The following KCTD19 variants were observed in gnomAD, a reference collection of about 807,000 sequenced individuals.
KCTD19 encodes the protein potassium channel tetramerization domain containing 19, also known as BTB/POZ domain-containing protein KCTD19.
Under a neutral mutation model 103.5 loss-of-function variants are expected in KCTD19, and 67 were observed. That is an observed-to-expected ratio of 0.65 (90% CI 0.53 to 0.79). KCTD19 has a LOEUF of 0.79. Ranked by LOEUF, KCTD19 falls within the 30% of genes least tolerant of loss-of-function variation. KCTD19 has a pLI of 0.00. For synonymous variants in KCTD19, 439 were observed against 452.2 expected, an observed-to-expected ratio of 0.97 and a Z score of 0.37; for missense variants, 980 against 1,136.1, an observed-to-expected ratio of 0.86 and a Z score of 1.98.
Position 67,323,627 on chromosome 16 carries a change from T to C in KCTD19, c.4-2742A>G, listed in dbSNP as rs553320774. Among the ~76,000 whole-genome samples the C allele has an allele frequency of 1.3e-5, 2 of 152,274 alleles. No individual in the cohort carries two copies. Among genetic ancestry groups the C allele is most frequent in the South Asian group, 4.1e-4 (2 of 4,828 alleles). On this transcript the variant is annotated intron_variant, in intron 1 of 15. Transcript: ENST00000304372. This position sits in a 1 kb window ranked among gnomAD's most constrained non-coding sequence, Gnocchi z 4.1. ...GAAAGAAGCCAAACAAAAAATCACA[T>C]ATGATTCCATCCACATGCAATGTGT...
chr16:67,292,822 G>GT (rs2036715309), intron 12 of KCTD19, among the ~76,000 whole-genome samples: 1 of 152,080 alleles, frequency 6.6e-6, no homozygotes, highest in South Asian at 2.1e-4. Flanking sequence ...TTCACACTCA[G>GT]TATGTGCCCT....
At chr16:67,317,236 T>A (rs2037022464) in intron 2 of KCTD19, among the ~76,000 whole-genome samples, 1 of 152,038 alleles carries the variant, frequency 6.6e-6, no homozygotes, top group South Asian at 2.1e-4. Context: ...ATCCCAGCAA[T>A]TTGGGAGGCT....
At chr16:67,291,976 C>T (rs894210691) in intron 12 of KCTD19, 139 bp from the exon 13 acceptor site, 49 of 508,898 alleles carry the variant, frequency 9.6e-5, no homozygotes, top group African/African-American at 8.5e-4. Flanking sequence ...CAGGTTCCAG[C>T]GATTCTCCTG....
At chr16:67,324,046 G>C (rs925685407) in intron 1 of KCTD19, among the ~76,000 whole-genome samples, 1 of 151,964 alleles carries the variant, frequency 6.6e-6, no homozygotes. Context: ...ACCTTCCTCA[G>C]CTCATTGTTA....
intron 1 of KCTD19, among the ~76,000 whole-genome samples, chr16:67,321,507 A>C (rs918509846): frequency 2.0e-5 from 3 of 152,246 alleles, no homozygotes; most frequent in African/African-American, 7.2e-5. Context: ...TTGATTTACA[A>C]ATTCAACACA....
chr16:67,304,886 T>C (rs2036875962), intron 2 of KCTD19, among the ~76,000 whole-genome samples: 2 of 152,146 alleles, frequency 1.3e-5, no homozygotes, highest in Admixed American at 6.5e-5. Context: ...CAGGCTGGTC[T>C]TGAACTCCTG....
At chr16:67,298,785 G>T (rs1366890241) in intron 6 of KCTD19, among the ~76,000 whole-genome samples, 1 of 152,236 alleles carries the variant, frequency 6.6e-6, no homozygotes, top group Non-Finnish European at 1.5e-5. Context: ...TCAGAGAGTT[G>T]CTCTGCTGTT....
intron 2 of KCTD19, among the ~76,000 whole-genome samples, chr16:67,308,687 C>T (rs538392855): frequency 0.22 from 32,697 of 151,858 alleles, 7,035 homozygotes; most frequent in African/African-American, 0.56. Context: ...TTTGTTCCCA[C>T]AGACACTCAA....
At chr16:67,311,420 A>C (rs758075339) in intron 2 of KCTD19, among the ~76,000 whole-genome samples, 1 of 151,984 alleles carries the variant, frequency 6.6e-6, no homozygotes, top group Non-Finnish European at 1.5e-5. Context: ...CTCCTGCCTC[A>C]GCCTCCTAAA....
chr16:67,322,885 A>G (rs190176446), intron 1 of KCTD19, among the ~76,000 whole-genome samples: 6 of 152,362 alleles, frequency 3.9e-5, no homozygotes, highest in African/African-American at 1.4e-4. Context: ...CAAATTTAAA[A>G]ATTGGCAAAG....
At chr16:67,325,725 G>A (rs1045362370) in intron 1 of KCTD19, among the ~76,000 whole-genome samples, 1 of 152,084 alleles carries the variant, frequency 6.6e-6, no homozygotes, top group African/African-American at 2.4e-5. Context: ...GCAGCCTGGC[G>A]ACAGCCCTCA....
At chr16:67,291,127 C>G (rs113227769) in intron 14 of KCTD19, 141 bp from the exon 15 acceptor site, 5 of 1,180,036 alleles carry the variant, frequency 4.2e-6, no homozygotes, top group Non-Finnish European at 6.0e-6. Context: ...GCCTCTTGGC[C>G]GAGGCTCAGT....
intron 2 of KCTD19, among the ~76,000 whole-genome samples, chr16:67,311,032 T>A (rs2036943686): frequency 6.6e-6 from 1 of 152,226 alleles, no homozygotes; most frequent in South Asian, 2.1e-4. Context: ...AGAAGTCATC[T>A]TGAGCATAAC....
Position 67,320,462 on chromosome 16 carries a change from T to A in KCTD19, c.300+127A>T, listed in dbSNP as rs977804136. ...CTAATGAGGAAATTATTTATTACTT[T>A]AACACACTTATTACATTTGCCCATT... On this transcript the variant is annotated intron_variant, in intron 2 of 15. Coordinates refer to ENST00000304372, the MANE Select transcript of KCTD19 (RefSeq NM_001100915.3). This position sits in a 1 kb window ranked among gnomAD's most constrained non-coding sequence, Gnocchi z 4.0. The A allele has an allele frequency of 1.9e-5, 17 of 891,772 alleles. No homozygotes were observed. The highest frequency in any genetic ancestry group is 3.0e-5 in the Non-Finnish European group (17 of 569,832). The allele number at this position is 891,772 out of a possible 1,614,324, so 55.2% of individuals were successfully genotyped here.
Position 67,303,108 on chromosome 16 carries a change from C to CGGGGGGGGGG in KCTD19, c.643+37_643+38insCCCCCCCCCC. 1.3e-6 allele frequency: 1 copy of CGGGGGGGGGG among 798,078 alleles called. No homozygotes were observed. The highest frequency in any genetic ancestry group is 1.8e-5 in the African/African-American group (1 of 56,750). 49.4% of individuals were successfully genotyped at this position (798,078 alleles called of 1,614,324 possible). A position where few individuals can be genotyped will look rare whatever the true frequency, so the allele number is the denominator to read the frequency against. The stretch of plus-strand genomic sequence containing the variant: ...ATGGGGAGGGGTGAATGGGCCCTAT[C>CGGGGGGGGGG]AGCCCGCCCCCCACCCCACCCCGGA... On this transcript the variant is annotated intron_variant, in intron 4 of 15. Transcript: ENST00000304372. The surrounding 1 kb of genome is among the most constrained non-coding windows in gnomAD (Gnocchi z 4.3).
At chr16:67,315,869 C>T (rs1597399673) in intron 2 of KCTD19, among the ~76,000 whole-genome samples, 1 of 152,152 alleles carries the variant, frequency 6.6e-6, no homozygotes, top group African/African-American at 2.4e-5. Context: ...CCACCTCGGA[C>T]TCCCAAAGTG....
At chr16:67,314,799 T>TTATATATATATA (rs138495581) in intron 2 of KCTD19, among the ~76,000 whole-genome samples, 21 of 45,884 alleles carry the variant, frequency 4.6e-4, no homozygotes, top group African/African-American at 1.2e-3. Context: ...TCACTTAGCA[T>TTATATATATATA]TATATATATA....
chr16:67,297,438 A>G (rs982359043), intron 7 of KCTD19, 65 bp downstream of exon 7: 16 of 1,484,790 alleles, frequency 1.1e-5, no homozygotes, highest in Admixed American at 6.9e-5. Flanking sequence ...CACATCATCT[A>G]TTCCCTCCAA....
rs749889065 is a variant in KCTD19, at chr16:67,303,114, GC to G, written c.643+31del. ...AGGGGTGAATGGGCCCTATCAGCCCGCCCCCCACCCCACCCCGGACAGAGCA... is the reference window on the plus strand; with the variant it reads ...AGGGGTGAATGGGCCCTATCAGCCCGCCCCCACCCCACCCCGGACAGAGCA... On this transcript the variant is annotated intron_variant, in intron 4 of 15. Transcript: ENST00000304372. The surrounding 1 kb of genome is among the most constrained non-coding windows in gnomAD (Gnocchi z 4.3). 6 of 1,097,050 alleles carry G rather than the reference GC, an allele frequency of 5.5e-6. No individual in the cohort carries two copies. Among genetic ancestry groups the G allele is most frequent in the Admixed American group, 2.8e-5 (1 of 35,168 alleles). 68.0% of individuals were successfully genotyped at this position (1,097,050 alleles called of 1,614,324 possible).
Sources: allele counts gnomAD v4.1 joint callset (sites outside exome capture counted in the v4.1 genomes callset), GRCh38; gene constraint gnomAD v4.1.1; non-coding constraint Gnocchi (gnomAD v3.1); transcripts MANE v1.5; gene names NCBI Gene and HGNC (gene_info 2026-07-23, HGNC 2026-07-21).